ADGRF3: variants seen among roughly 807,000 people sequenced by gnomAD.
The protein encoded by ADGRF3 is adhesion G protein-coupled receptor F3, also known as G protein-coupled receptor 113.
A neutral mutation model predicts 93.2 loss-of-function variants in ADGRF3; 85 were observed. The ratio of observed to expected loss-of-function variants is 0.91; its 90% confidence interval spans 0.77 to 1.09. The LOEUF is 1.09. ADGRF3 is among the 50% of genes least tolerant of loss of function. The pLI, the probability that ADGRF3 is intolerant of heterozygous loss-of-function variation, is 0.00. For synonymous variants in ADGRF3, 534 were observed against 532.5 expected, an observed-to-expected ratio of 1.00 and a Z score of -0.04; for missense variants, 1,125 against 1,246.2, an observed-to-expected ratio of 0.90 and a Z score of 1.46.
rs72851587 is a variant in ADGRF3, at chr2:26,308,528, C to T, written c.*558G>A. On this transcript the variant is annotated 3_prime_UTR_variant, in exon 14 of 14. Coordinates refer to ENST00000651242, the MANE Select transcript of ADGRF3 (RefSeq NM_001321971.2). Reference sequence around the variant, plus strand: ...TACATGGATATGGTTAAGAAACTTACATTTTATATTGATTTTTTAAAGGTT... The same window carrying T: ...TACATGGATATGGTTAAGAAACTTATATTTTATATTGATTTTTTAAAGGTT... The T allele has an allele frequency of 0.03, 4,622 of 152,558 alleles. 130 individuals are homozygous for T. Among genetic ancestry groups the T allele is most frequent in the African/African-American group, 0.075 (3,125 of 41,486 alleles). The allele number at this position is 152,558 out of a possible 1,614,324, so 9.5% of individuals were successfully genotyped here. A position where few individuals can be genotyped will look rare whatever the true frequency, so the allele number is the denominator to read the frequency against.
chr2:26,315,523 T>C lies in ADGRF3; in HGVS notation c.717A>G (p.Ala239=). 6.5e-7 allele frequency: 1 copy of C among 1,549,644 alleles called. No individual in the cohort carries two copies. The highest frequency in any genetic ancestry group is 1.8e-4 in the Middle Eastern group (1 of 5,676). The part of the protein sequence containing the change: ...LSVSNMSHHW[A]GEYMSCFEAQ... ...GCAAGGAGAGGACAGGCTGGCTACC[T>C]GCCCAGTGATGGGACATGTTGGAGA... Residue 239 remains alanine, a splice_region_variant and synonymous_variant, in exon 5 of 14, where the codon GCA becomes GCG. Transcript: ENST00000651242.
At chr2:26,330,298 A>G (rs952323099) in intron 1 of ADGRF3, among the ~76,000 whole-genome samples, 2 of 152,180 alleles carry the variant, frequency 1.3e-5, no homozygotes, top group African/African-American at 2.4e-5. Context: ...CGCCTGTACA[A>G]CTGGGAAGTG....
rs1258481281 is a variant in ADGRF3 at position 26,308,271 on chromosome 2, AG to A, written c.*814del. 6.6e-6 allele frequency: 1 copy of A among 152,172 alleles called. No homozygotes were observed. The highest frequency in any genetic ancestry group is 1.5e-5 in the Non-Finnish European group (1 of 68,036). The allele number at this position is 152,172 out of a possible 1,614,324, so 9.4% of individuals were successfully genotyped here. On this transcript the variant is annotated 3_prime_UTR_variant, in exon 14 of 14. Coordinates refer to ENST00000651242, the MANE Select transcript of ADGRF3 (RefSeq NM_001321971.2). ...CATAATTAACAAAGACCGATTCATC[AG>A]ACTTTTTTCACGTATCTAGTTTAAA...
At chr2:26,313,652 C>A in intron 7 of ADGRF3, 79 bp from the exon 8 acceptor site, 3 of 1,561,144 alleles carry the variant, frequency 1.9e-6, no homozygotes, top group Non-Finnish European at 2.6e-6. Flanking sequence ...CTATGCGGGC[C>A]CCGAAGCCTG....
intron 1 of ADGRF3, among the ~76,000 whole-genome samples, chr2:26,323,920 C>A (rs558122227): frequency 6.8e-4 from 103 of 152,090 alleles, no homozygotes; most frequent in Non-Finnish European, 1.2e-3. Flanking sequence ...TGAGCCACTG[C>A]GCCCGGCCTC....
At chr2:26,317,233 G>C (rs1674781631) in intron 2 of ADGRF3, among the ~76,000 whole-genome samples, 178 bp from the exon 3 acceptor site, 1 of 152,152 alleles carries the variant, frequency 6.6e-6, no homozygotes, top group Non-Finnish European at 1.5e-5. Context: ...CCTAGGCACT[G>C]TGCCTTCAGA....
At position 26,317,024 on chromosome 2, in the gene ADGRF3, C is replaced by T. The variant is rs1332133054; in HGVS notation, c.213G>A (p.Leu71=). The part of the protein sequence containing the change: ...ESALVSVYVH[L]DFPDKTWPPE... ...GGGGCCAGGTCTTATCTGGAAAGTC[C>T]AGATGTACATAGACGGAGACCAGCG... Residue 71 remains leucine (L), a synonymous_variant, in exon 3 of 14, where the codon CTG becomes CTA. Transcript: ENST00000651242. The T allele has an allele frequency of 1.2e-6, 2 of 1,612,680 alleles. No individual in the cohort carries two copies. Among genetic ancestry groups the T allele is most frequent in the African/African-American group, 2.7e-5 (2 of 74,846 alleles).
intron 1 of ADGRF3, among the ~76,000 whole-genome samples, chr2:26,320,823 T>C (rs1675107156): frequency 6.6e-6 from 1 of 152,230 alleles, no homozygotes; most frequent in Non-Finnish European, 1.5e-5. Flanking sequence ...GTGAAGTAGC[T>C]TTATTTTGGA....
At chr2:26,317,153 C>T in intron 2 of ADGRF3, 98 bp from the exon 3 acceptor site, 2 of 1,276,340 alleles carry the variant, frequency 1.6e-6, no homozygotes, top group Non-Finnish European at 2.2e-6. Context: ...CCCAGGAATG[C>T]AGAGCAGACC....
At chr2:26,310,303 C>T in intron 10 of ADGRF3, 66 bp from the exon 11 acceptor site, 2 of 1,558,618 alleles carry the variant, frequency 1.3e-6, no homozygotes, top group Non-Finnish European at 1.8e-6. Context: ...CAACATGCTC[C>T]TTCTGTCCTG....
At chr2:26,333,789 C>T (rs1574728684) in intron 1 of ADGRF3, among the ~76,000 whole-genome samples, 1 of 152,140 alleles carries the variant, frequency 6.6e-6, no homozygotes, top group African/African-American at 2.4e-5. Context: ...AAGGGCTGTA[C>T]CTGTACAAGA....
intron 1 of ADGRF3, among the ~76,000 whole-genome samples, chr2:26,334,391 C>T (rs1446999699): frequency 6.6e-6 from 1 of 152,032 alleles, no homozygotes; most frequent in South Asian, 2.1e-4. Flanking sequence ...AGCCTTACCC[C>T]TTTGTAGCAA....
chr2:26,333,382 C>T (rs1349518858), intron 1 of ADGRF3, among the ~76,000 whole-genome samples: 2 of 1,592 alleles, frequency 1.3e-3, no homozygotes, highest in Admixed American at 0.01. Flanking sequence ...AATACTTAGG[C>T]CACATAAAAA....
intron 1 of ADGRF3, among the ~76,000 whole-genome samples, chr2:26,339,939 C>G (rs1676277663): frequency 6.6e-6 from 1 of 152,174 alleles, no homozygotes; most frequent in South Asian, 2.1e-4. Flanking sequence ...TCAAGTTTTC[C>G]CGTTTTAAAC....
At position 26,310,678 on chromosome 2, in the gene ADGRF3, C is replaced by T. The variant is rs1673996456; in HGVS notation, c.2832+14G>A. 1 of 1,603,302 alleles carries T rather than the reference C, an allele frequency of 6.2e-7. No homozygotes were observed. The highest frequency in any genetic ancestry group is 2.2e-5 in the East Asian group (1 of 44,516). On this transcript the variant is annotated intron_variant, in intron 10 of 13. Coordinates refer to ENST00000651242, the MANE Select transcript of ADGRF3 (RefSeq NM_001321971.2). ...TAAAAAAGCAAAAAACACAGCCACC[C>T]CCCTATCACCTACCTGGAGGGTGTT...
chr2:26,332,210 G>GGACA (rs1426428577), intron 1 of ADGRF3, among the ~76,000 whole-genome samples: 1 of 152,244 alleles, frequency 6.6e-6, no homozygotes, highest in African/African-American at 2.4e-5. Context: ...CCTTGTGAGG[G>GGACA]GACAGACATT....
Position 26,312,059 on chromosome 2 carries a change from T to C in ADGRF3, c.1465A>G (p.Thr489Ala). The C allele has an allele frequency of 1.9e-6, 3 of 1,608,510 alleles. No individual in the cohort carries two copies. The highest frequency in any genetic ancestry group is 2.5e-6 in the Non-Finnish European group (3 of 1,178,118). Residue 489 changes from threonine to alanine, a missense_variant, in exon 10 of 14, where the codon ACA becomes GCA. Physicochemically the swap from Thr to Ala is moderately conservative, Grantham distance 58 (BLOSUM62 0). Coordinates refer to ENST00000651242, the MANE Select transcript of ADGRF3 (RefSeq NM_001321971.2). ...RRALKNLLIA[T>A]DKVLDMDTRS... Reference sequence around the variant, plus strand: ...GTGTCCATATCTAGGACCTTGTCTGTGGCAATCAGGAGATTCTGCAGCACC... The same window carrying C: ...GTGTCCATATCTAGGACCTTGTCTGCGGCAATCAGGAGATTCTGCAGCACC...
At position 26,346,578 on chromosome 2, in the gene ADGRF3, A is replaced by G. The variant is rs955201922; in HGVS notation, c.-344T>C. Reference sequence around the variant, plus strand: ...CCTTCCTATTTTTTTTAAACTTATTATTTTCGTAAGCCCCCGAAAGGATGG... The same window carrying G: ...CCTTCCTATTTTTTTTAAACTTATTGTTTTCGTAAGCCCCCGAAAGGATGG... On this transcript the variant is annotated 5_prime_UTR_variant, in exon 1 of 14. Transcript: ENST00000651242. The G allele has an allele frequency of 1.8e-5, 5 of 281,816 alleles. No individual in the cohort carries two copies. Among genetic ancestry groups the G allele is most frequent in the Non-Finnish European group, 3.3e-5 (5 of 151,026 alleles). 17.5% of individuals were successfully genotyped at this position (281,816 alleles called of 1,614,324 possible).
rs200489407 is a variant in ADGRF3 at position 26,311,645 on chromosome 2, G to A, written c.1879C>T (p.Arg627Trp). The change falls in exon 10 of 14, where the codon CGG (arginine) becomes TGG (tryptophan). Residue 627 changes from arginine to tryptophan, a missense_variant. Physicochemically the swap from Arg to Trp is moderately radical, Grantham distance 101 (BLOSUM62 -3). Coordinates refer to ENST00000651242, the MANE Select transcript of ADGRF3 (RefSeq NM_001321971.2). ...VLVISIMAGDRAFSQGEVIMD... is the reference protein window; with the variant it reads ...VLVISIMAGDWAFSQGEVIMD... ...ATGACCTCTCCCTGGCTGAAGGCCC[G>A]GTCACCTGCCATGATGGAAATGACA... 34 of 1,613,264 alleles carry A rather than the reference G, an allele frequency of 2.1e-5. No individual in the cohort carries two copies. The highest frequency in any genetic ancestry group is 1.6e-4 in the African/African-American group (12 of 75,046).
Sources: allele counts gnomAD v4.1 joint callset (sites outside exome capture counted in the v4.1 genomes callset), GRCh38; gene constraint gnomAD v4.1.1; transcripts MANE v1.5; gene names NCBI Gene and HGNC (gene_info 2026-07-23, HGNC 2026-07-21).